ZNF593OS: variants seen among roughly 807,000 people sequenced by gnomAD.
ZNF593OS encodes the protein transmembrane protein ZNF593OS.
At position 26,171,756 on chromosome 1, in the gene ZNF593OS, G is replaced by T. The variant is rs1053739639; in HGVS notation, c.-95C>A. The T allele has an allele frequency of 2.5e-6, 1 of 398,372 alleles. No homozygotes were observed. The highest frequency in any genetic ancestry group is 2.1e-5 in the African/African-American group (1 of 48,712). 24.7% of individuals were successfully genotyped at this position (398,372 alleles called of 1,614,324 possible). A position where few individuals can be genotyped will look rare whatever the true frequency, so the allele number is the denominator to read the frequency against. On this transcript the variant is annotated 5_prime_UTR_variant, in exon 1 of 2. Coordinates refer to ENST00000648649, the Ensembl canonical transcript of ZNF593OS. The surrounding 1 kb of genome is among the most constrained non-coding windows in gnomAD (Gnocchi z 5.5). ...ACACCAAGAAGTGGAAACTAGGGTA[G>T]AGGGGTCTCTGACCTTCCACATACG...
At chr1:26,170,810 G>A in exon 2 of ZNF593OS, 2 of 1,492,656 alleles carry the variant, frequency 1.3e-6, no homozygotes, top group Non-Finnish European at 1.8e-6. Flanking sequence ...TTGCCTCTGG[G>A]TTTGGGGAGC....
At chr1:26,170,641 C>G in exon 2 of ZNF593OS, 4 of 1,613,000 alleles carry the variant, frequency 2.5e-6, no homozygotes, top group Non-Finnish European at 3.4e-6. Flanking sequence ...GTATGGGATC[C>G]TATGTGCCCC....
chr1:26,169,974 G>C (rs939688598), downstream of ZNF593OS: 6 of 1,536,690 alleles, frequency 3.9e-6, no homozygotes, highest in Non-Finnish European at 5.2e-6. Flanking sequence ...CGGCCGGGCT[G>C]TTTCTGGCCA....
In ZNF593OS at chr1:26,171,196, G is replaced by C; in HGVS notation, c.185C>G (p.Ala62Gly). The C allele has an allele frequency of 4.9e-6, 2 of 404,716 alleles. No individual in the cohort carries two copies. The highest frequency in any genetic ancestry group is 3.5e-5 in the East Asian group (1 of 28,248). 25.1% of individuals were successfully genotyped at this position (404,716 alleles called of 1,614,324 possible). A position where few individuals can be genotyped will look rare whatever the true frequency, so the allele number is the denominator to read the frequency against. Reference sequence around the variant, plus strand: ...GAGAGTCTCTCTTCTTCGTTACGGGGCCCGTGGCACCCGCCGCTGCCCCAC... The same window carrying C: ...GAGAGTCTCTCTTCTTCGTTACGGGCCCCGTGGCACCCGCCGCTGCCCCAC... The change falls in exon 2 of 2, where the codon GCC becomes GGC. Residue 62 changes from alanine to glycine, a missense_variant. Transcript: ENST00000648649. The surrounding 1 kb of genome is among the most constrained non-coding windows in gnomAD (Gnocchi z 5.5).
chr1:26,170,178 C>T, downstream of ZNF593OS: 1 of 1,572,508 alleles, frequency 6.4e-7, no homozygotes, highest in Non-Finnish European at 8.6e-7. Context: ...GCTGTCTGGC[C>T]TGCGCGTGAG....
At chr1:26,170,828 C>T (rs775736458) in exon 2 of ZNF593OS, 608 of 1,357,316 alleles carry the variant, frequency 4.5e-4, no homozygotes, top group Non-Finnish European at 5.7e-4. Context: ...AGCGGAGGGC[C>T]TCTTCTTGGT....
chr1:26,171,827 A>T lies in ZNF593OS; in HGVS notation c.-166T>A. On this transcript the variant is annotated 5_prime_UTR_variant, in exon 1 of 2. Coordinates refer to ENST00000648649, the Ensembl canonical transcript of ZNF593OS. The surrounding 1 kb of genome is among the most constrained non-coding windows in gnomAD (Gnocchi z 5.5). ...GATGCTCACCCGCGCCTGCCTGCCC[A>T]GGTCTGGCAGGGGGCGGAGCAACTG... is the stretch of plus-strand genomic sequence containing the variant. 1 of 395,890 alleles carries T rather than the reference A, an allele frequency of 2.5e-6. No homozygotes were observed. Among genetic ancestry groups the T allele is most frequent in the Non-Finnish European group, 4.4e-6 (1 of 224,898 alleles). 24.5% of individuals were successfully genotyped at this position (395,890 alleles called of 1,614,324 possible). A position where few individuals can be genotyped will look rare whatever the true frequency, so the allele number is the denominator to read the frequency against.
downstream of ZNF593OS, chr1:26,169,994 C>A: frequency 3.2e-6 from 5 of 1,547,820 alleles, no homozygotes; most frequent in Non-Finnish European, 4.3e-6. Flanking sequence ...ATGGGTCGCT[C>A]CCGCCGGACA....
At chr1:26,169,982 C>T (rs1270858344), downstream of ZNF593OS, 3 of 1,541,156 alleles carry the variant, frequency 1.9e-6, no homozygotes, top group Admixed American at 2.0e-5. Context: ...CTGTTTCTGG[C>T]CATGGGTCGC....
exon 2 of ZNF593OS, chr1:26,170,830 C>T: frequency 7.5e-7 from 1 of 1,338,638 alleles, no homozygotes; most frequent in Non-Finnish European, 1.0e-6. Context: ...CGGAGGGCCT[C>T]TTCTTGGTGC....
chr1:26,170,582 C>T, exon 2 of ZNF593OS: 1 of 1,613,912 alleles, frequency 6.2e-7, no homozygotes, highest in East Asian at 2.2e-5. Flanking sequence ...CAGGCTGAAG[C>T]AGCTGAGCGT....
In ZNF593OS at chr1:26,170,986, C is replaced by T. The variant is rs1044790446; in HGVS notation, c.*203G>A. On this transcript the variant is annotated 3_prime_UTR_variant, in exon 2 of 2. Coordinates refer to ENST00000648649, the Ensembl canonical transcript of ZNF593OS. The stretch of plus-strand genomic sequence containing the variant: ...GGTGTCTACTCCCCACTTGGTCTAT[C>T]TCTGCCTTCCCTCTGAGGTCCTAGC... The T allele has an allele frequency of 1.4e-5, 8 of 568,330 alleles. No homozygotes were observed. In the African/African-American group the frequency reaches 1.5e-4, roughly 11 times the overall value. The allele number at this position is 568,330 out of a possible 1,614,324, so 35.2% of individuals were successfully genotyped here.
downstream of ZNF593OS, chr1:26,170,103 C>A: frequency 6.4e-7 from 1 of 1,570,304 alleles, no homozygotes; most frequent in Non-Finnish European, 8.6e-7. Flanking sequence ...CTCAGGGATC[C>A]GCACGACCCC....
exon 2 of ZNF593OS, chr1:26,170,619 A>G: frequency 6.2e-7 from 1 of 1,613,580 alleles, no homozygotes; most frequent in Non-Finnish European, 8.5e-7. Context: ...GAAGAGGCGG[A>G]GAGGGCAGCG....
chr1:26,169,889 G>A, downstream of ZNF593OS: 2 of 1,317,286 alleles, frequency 1.5e-6, no homozygotes, highest in Non-Finnish European at 2.0e-6. Context: ...CTAGCCCCCC[G>A]GCGTGGCCTG....
chr1:26,169,592 C>T (rs1018055274), downstream of ZNF593OS: 7 of 244,226 alleles, frequency 2.9e-5, no homozygotes, highest in Admixed American at 2.3e-4. Context: ...CCACCCCCAC[C>T]GCGGAGTCCA....
chr1:26,170,191 C>G (rs1467535578), downstream of ZNF593OS: 1 of 1,572,098 alleles, frequency 6.4e-7, no homozygotes, highest in South Asian at 1.1e-5. Flanking sequence ...CGCGTGAGTC[C>G]CGGACGAGCC....
Position 26,171,479 on chromosome 1 carries a change from T to C in ZNF593OS, c.45+138A>G. 1 of 398,558 alleles carries C rather than the reference T, an allele frequency of 2.5e-6. No homozygotes were observed. The highest frequency in any genetic ancestry group is 1.3e-4 in the South Asian group (1 of 7,674). 24.7% of individuals were successfully genotyped at this position (398,558 alleles called of 1,614,324 possible). ...CAGGGAGATTCCACCCCAATCCCTTTCGCCTCACTGCCCATCTGGGCCTGC... is the reference window on the plus strand; with the variant it reads ...CAGGGAGATTCCACCCCAATCCCTTCCGCCTCACTGCCCATCTGGGCCTGC... On this transcript the variant is annotated intron_variant, in intron 1 of 1. Coordinates refer to ENST00000648649, the Ensembl canonical transcript of ZNF593OS. The surrounding 1 kb of genome is among the most constrained non-coding windows in gnomAD (Gnocchi z 5.5).
At position 26,171,063 on chromosome 1, in the gene ZNF593OS, A is replaced by G. The variant is rs1479510688; in HGVS notation, c.*126T>C. 2.1e-6 allele frequency: 1 copy of G among 481,900 alleles called. No homozygotes were observed. The highest frequency in any genetic ancestry group is 3.7e-5 in the Admixed American group (1 of 27,350). 29.9% of individuals were successfully genotyped at this position (481,900 alleles called of 1,614,324 possible). ...GCCTGATGCAGTGTGGGGTGGCGGG[A>G]GTGGGATCAGATTACTCTGTCCTGC... On this transcript the variant is annotated 3_prime_UTR_variant, in exon 2 of 2. Transcript: ENST00000648649. This position sits in a 1 kb window ranked among gnomAD's most constrained non-coding sequence, Gnocchi z 5.5.
Sources: allele counts gnomAD v4.1 joint callset, GRCh38; gene constraint gnomAD v4.1.1; non-coding constraint Gnocchi (gnomAD v3.1); transcripts MANE v1.5; gene names NCBI Gene and HGNC (gene_info 2026-07-23, HGNC 2026-07-21).